TOR3A: variants seen among roughly 807,000 people sequenced by gnomAD.
The protein encoded by TOR3A is torsin-3A.
In TOR3A, 44 loss-of-function variants were observed where a neutral mutation model predicts 42.1. The observed-to-expected ratio is 1.04, with a 90% CI of 0.82 to 1.34. The LOEUF is 1.34. Ranked by LOEUF, TOR3A falls within the 40% of genes most tolerant of loss-of-function variation. The pLI, the probability that TOR3A is intolerant of heterozygous loss-of-function variation, is 0.00. For missense variants in TOR3A, 521 were observed against 507.6 expected, an observed-to-expected ratio of 1.03 and a Z score of -0.25; for synonymous variants, 227 against 213.2, an observed-to-expected ratio of 1.06 and a Z score of -0.57.
intron 1 of TOR3A, 69 bp from the exon 2 acceptor site, chr1:179,082,871 G>A (rs2274227): frequency 3.9e-6 from 4 of 1,037,206 alleles, no homozygotes; most frequent in Non-Finnish European, 5.9e-6. Context: ...AAGTTGTGTG[G>A]CAAGGTTGCC....
In TOR3A at chr1:179,085,762, G is replaced by T. The variant is rs775320855; in HGVS notation, c.508G>T (p.Gly170Cys). The change falls in exon 3 of 6, where the codon GGC (glycine) becomes TGC (cysteine). Residue 170 changes from glycine (G) to cysteine (C), a missense_variant. Transcript: ENST00000367627. ...TGCTCTGTCGTTCCACGGCTGGTCT[G>T]GCACAGGCAAGAACTTCGTGGCACG... ...ALALSFHGWS[G>C]TGKNFVARML... is the part of the protein sequence containing the mutation. 1 of 1,614,224 alleles carries T rather than the reference G, an allele frequency of 6.2e-7. No individual in the cohort carries two copies.
rs1405346033 is a variant in TOR3A, at chr1:179,094,983, A to T, written c.959A>T (p.His320Leu). 6.2e-7 allele frequency: 1 copy of T among 1,614,078 alleles called. No homozygotes were observed. Among genetic ancestry groups the T allele is most frequent in the South Asian group, 1.1e-5 (1 of 91,082 alleles). ...IVETIDNGFG[H>L]SRLVKENLID... The stretch of plus-strand genomic sequence containing the variant: ...TTGCTTTCAGACAATGGCTTTGGCC[A>T]CAGCCGTCTTGTGAAGGAAAACCTG... The change falls in exon 6 of 6, where the codon CAC (histidine) becomes CTC (leucine). Residue 320 changes from histidine to leucine, a missense_variant. His to Leu is a moderately conservative substitution (Grantham distance 99, BLOSUM62 -3). Coordinates refer to ENST00000367627, the MANE Select transcript of TOR3A (RefSeq NM_022371.4).
At position 179,087,004 on chromosome 1, in the gene TOR3A, C is replaced by T. The variant is rs78374268; in HGVS notation, c.640-907C>T. Among the ~76,000 whole-genome samples, 1,314 of 152,256 alleles carry T rather than the reference C, an allele frequency of 8.6e-3. 17 individuals carry two copies. Among genetic ancestry groups the T allele is most frequent in the African/African-American group, 0.03 (1,245 of 41,540 alleles). On this transcript the variant is annotated intron_variant, in intron 3 of 5. Coordinates refer to ENST00000367627, the MANE Select transcript of TOR3A (RefSeq NM_022371.4). Reference sequence around the variant, plus strand: ...AGGGGCAGGCTGAGCTGGGCCTTTCCGGGCAGAACTGTCTGGCTTAGACTG... The same window carrying T: ...AGGGGCAGGCTGAGCTGGGCCTTTCTGGGCAGAACTGTCTGGCTTAGACTG...
Position 179,095,808 on chromosome 1 carries a change from C to T in TOR3A, c.*590C>T. 1 of 986,832 alleles carries T rather than the reference C, an allele frequency of 1.0e-6. No individual in the cohort carries two copies. Among genetic ancestry groups the T allele is most frequent in the Non-Finnish European group, 1.2e-6 (1 of 831,206 alleles). The allele number at this position is 986,832 out of a possible 1,614,324, so 61.1% of individuals were successfully genotyped here. ...GCTGCTTCTGTTGTGAGCGAATCAG[C>T]CAAGAGCCTGAGGCTGAAGGGAAAA... On this transcript the variant is annotated 3_prime_UTR_variant, in exon 6 of 6. Coordinates refer to ENST00000367627, the MANE Select transcript of TOR3A (RefSeq NM_022371.4).
At chr1:179,083,581 C>CGGG (rs78979955) in intron 2 of TOR3A, among the ~76,000 whole-genome samples, 41 of 102,500 alleles carry the variant, frequency 4.0e-4, no homozygotes, top group African/African-American at 7.4e-4. Flanking sequence ...TTAGTAGAGG[C>CGGG]GGGGGGGGGG....
Position 179,085,640 on chromosome 1 carries a change from A to G in TOR3A, c.386A>G (p.Asp129Gly). 6.2e-7 allele frequency: 1 copy of G among 1,613,944 alleles called. No individual in the cohort carries two copies. The highest frequency in any genetic ancestry group is 8.5e-7 in the Non-Finnish European group (1 of 1,179,966). The change falls in exon 3 of 6, where the codon GAC becomes GGC. Residue 129 changes from aspartate to glycine, a missense_variant. By Grantham distance (94) the Asp-to-Gly change is moderately conservative (BLOSUM62 -1). Coordinates refer to ENST00000367627, the MANE Select transcript of TOR3A (RefSeq NM_022371.4). ...ISNNFTGLEWDLNVRLHGQHL... is the reference protein window; with the variant it reads ...ISNNFTGLEWGLNVRLHGQHL... ...TTCCTGTCCTTAGGCTTAGAGTGGG[A>G]CCTGAATGTGCGGCTGCATGGCCAG...
chr1:179,087,883 C>G, intron 3 of TOR3A, 28 bp from the exon 4 acceptor site: 3 of 1,515,966 alleles, frequency 2.0e-6, no homozygotes. Context: ...GTCACCACTT[C>G]CCCAGCTGCT....
At chr1:179,092,292 C>A (rs10798652) in intron 4 of TOR3A, among the ~76,000 whole-genome samples, 1 of 152,050 alleles carries the variant, frequency 6.6e-6, no homozygotes, top group East Asian at 1.9e-4. Context: ...AAGATGTGAG[C>A]TAATATACTG....
intron 5 of TOR3A, 67 bp from the exon 6 acceptor site, chr1:179,094,900 AC>A (rs1474189380): frequency 1.3e-6 from 2 of 1,485,580 alleles, no homozygotes; most frequent in Non-Finnish European, 1.9e-6. Flanking sequence ...AGCAACCCCC[AC>A]CCCCGCTAAA....
rs761451315 is a variant in TOR3A at position 179,082,931 on chromosome 1, C to G, written c.260-9C>G. 1.7e-5 allele frequency: 26 copies of G among 1,552,658 alleles called. No individual in the cohort carries two copies. On this transcript the variant is annotated splice_polypyrimidine_tract_variant and intron_variant, in intron 1 of 5. Transcript: ENST00000367627. ...TCTCCTCTCGGTCTCACAGCTCCTC[C>G]TTTTCCAGGCTGGCGCCTTCCTCTG...
intron 2 of TOR3A, among the ~76,000 whole-genome samples, chr1:179,084,673 G>A (rs1211741831): frequency 6.6e-6 from 1 of 152,230 alleles, no homozygotes; most frequent in Non-Finnish European, 1.5e-5. Flanking sequence ...GGAGCAATGT[G>A]TGATGCCCTC....
chr1:179,085,815 C>T lies in TOR3A; in HGVS notation c.561C>T (p.Asp187=), dbSNP rs369007016. The change falls in exon 3 of 6, where the codon GAC becomes GAT. Residue 187 remains aspartate, a synonymous_variant. Coordinates refer to ENST00000367627, the MANE Select transcript of TOR3A (RefSeq NM_022371.4). ...ARMLVENLYR[D]GLMSDCVRMF... ...TGCTGGTGGAGAACCTGTATCGGGA[C>T]GGGCTGATGAGTGACTGTGTCAGGA... is the stretch of plus-strand genomic sequence containing the variant. 1.1e-5 allele frequency: 18 copies of T among 1,614,160 alleles called. No individual in the cohort carries two copies. Among genetic ancestry groups the T allele is most frequent in the South Asian group, 3.3e-5 (3 of 91,086 alleles).
chr1:179,093,286 C>T (rs1267002791), intron 4 of TOR3A, among the ~76,000 whole-genome samples: 1 of 152,190 alleles, frequency 6.6e-6, no homozygotes, highest in Admixed American at 6.5e-5. Context: ...GTGCTTCAGA[C>T]CCGTAATTCC....
chr1:179,090,121 G>C (rs1022815256), intron 4 of TOR3A, among the ~76,000 whole-genome samples: 12 of 138,474 alleles, frequency 8.7e-5, no homozygotes, highest in African/African-American at 1.5e-4. Flanking sequence ...TGGGGGGGGG[G>C]GCCTGCGGGA....
chr1:179,095,569 G>A lies in TOR3A; in HGVS notation c.*351G>A. The stretch of plus-strand genomic sequence containing the variant: ...TTGAAGAAAGCCATGTGGGAGCTCA[G>A]CAAATCCCAAGGGCTTATTATGACA... On this transcript the variant is annotated 3_prime_UTR_variant, in exon 6 of 6. Transcript: ENST00000367627. 2.6e-6 allele frequency: 3 copies of A among 1,145,446 alleles called. No individual in the cohort carries two copies. The highest frequency in any genetic ancestry group is 3.2e-6 in the Non-Finnish European group (3 of 928,286). 71.0% of individuals were successfully genotyped at this position (1,145,446 alleles called of 1,614,324 possible).
intron 2 of TOR3A, chr1:179,085,344 A>G: frequency 2.9e-6 from 1 of 343,534 alleles, no homozygotes; most frequent in South Asian, 3.8e-5. Flanking sequence ...GAATCGCTTG[A>G]ACCAGGGAGG....
Position 179,085,804 on chromosome 1 carries a change from C to T in TOR3A, c.550C>T (p.Leu184=). Residue 184 remains leucine, a synonymous_variant, in exon 3 of 6, where the codon CTG becomes TTG. Transcript: ENST00000367627. ...CGTGGCACGGATGCTGGTGGAGAAC[C>T]TGTATCGGGACGGGCTGATGAGTGA... The part of the protein sequence containing the change: ...NFVARMLVEN[L]YRDGLMSDCV... The T allele has an allele frequency of 6.2e-7, 1 of 1,614,194 alleles. No homozygotes were observed. Among genetic ancestry groups the T allele is most frequent in the Non-Finnish European group, 8.5e-7 (1 of 1,180,052 alleles).
intron 3 of TOR3A, among the ~76,000 whole-genome samples, chr1:179,087,701 A>G (rs1474498071): frequency 6.7e-6 from 1 of 149,294 alleles, no homozygotes; most frequent in Non-Finnish European, 1.5e-5. Context: ...TTCAACCCTC[A>G]GGGTGCTTGA....
intron 5 of TOR3A, 87 bp from the exon 6 acceptor site, chr1:179,094,881 G>C (rs1471171655): frequency 7.4e-7 from 1 of 1,359,718 alleles, no homozygotes; most frequent in Non-Finnish European, 1.0e-6. Flanking sequence ...CTGTTTCAAA[G>C]AAACCAACAG....
Sources: gnomAD v4.1 joint callset for allele counts (sites outside exome capture counted in the v4.1 genomes callset) on GRCh38, gnomAD v4.1.1 for gene constraint, MANE v1.5 for transcripts, NCBI Gene and HGNC (gene_info 2026-07-23, HGNC 2026-07-21) for gene names.